Variants in GRM7 observed in about 807,000 individuals in gnomAD.
GRM7 encodes metabotropic glutamate receptor 7.
In GRM7, 35 loss-of-function variants were observed where a neutral mutation model predicts 84.5. That is an observed-to-expected ratio of 0.41 (90% CI 0.32 to 0.55). The LOEUF (loss-of-function observed/expected upper bound fraction) is 0.55. Among genes scored for constraint, GRM7 ranks in the 20% least tolerant of loss-of-function variants. The pLI, the probability that GRM7 is intolerant of heterozygous loss-of-function variation, is 0.19. For synonymous variants in GRM7, 487 were observed against 455.1 expected, an observed-to-expected ratio of 1.07 and a Z score of -0.89; for missense variants, 1,003 against 1,194.6, an observed-to-expected ratio of 0.84 and a Z score of 2.36.
At chr3:6,917,643 T>C (rs1242542401) in intron 1 of GRM7, among the ~76,000 whole-genome samples, 2 of 152,076 alleles carry the variant, frequency 1.3e-5, no homozygotes, top group African/African-American at 4.8e-5. Flanking sequence ...CAAATGTCCT[T>C]GAAAGTTCCC....
chr3:7,412,490 G>C (rs1001629215), intron 4 of GRM7, among the ~76,000 whole-genome samples: 1 of 152,078 alleles, frequency 6.6e-6, no homozygotes, highest in Admixed American at 6.5e-5. Context: ...CAAATGAGAC[G>C]CCTGGGATAA....
rs542760613 is a variant in GRM7 at position 7,680,207 on chromosome 3, C to A, written c.2610C>A (p.Ala870=). 5.6e-6 allele frequency: 9 copies of A among 1,614,168 alleles called. No individual in the cohort carries two copies. The highest frequency in any genetic ancestry group is 1.3e-5 in the African/African-American group (1 of 75,060). ...GCTTCAAGGCGGTAGTCACAGCAGC[C>A]ACCATGTCATCGAGGCTGTCACACA... ...KRSFKAVVTA[A]TMSSRLSHKP... Residue 870 remains alanine, a synonymous_variant, in exon 9 of 10, where the codon GCC becomes GCA. Transcript: ENST00000357716.
chr3:7,341,473 A>G (rs1010585894), intron 4 of GRM7, among the ~76,000 whole-genome samples: 3 of 151,996 alleles, frequency 2.0e-5, no homozygotes, highest in African/African-American at 7.2e-5. Context: ...GAGTATTACT[A>G]TTTTATGAGC....
intron 7 of GRM7, among the ~76,000 whole-genome samples, chr3:7,529,347 G>A (rs1051588459): frequency 4.8e-4 from 73 of 151,906 alleles, no homozygotes; most frequent in African/African-American, 1.7e-3. Context: ...TTCTTAAGAG[G>A]CACTTTGGAA....
chr3:7,464,114 CAGA>C (rs1698364023), intron 7 of GRM7, among the ~76,000 whole-genome samples: 1 of 152,144 alleles, frequency 6.6e-6, no homozygotes, highest in South Asian at 2.1e-4. Context: ...TAACCTGATT[CAGA>C]AGAACTAGAG....
chr3:7,654,102 C>T (rs1699077124), intron 8 of GRM7, among the ~76,000 whole-genome samples: 1 of 151,660 alleles, frequency 6.6e-6, no homozygotes, highest in Admixed American at 6.6e-5. Flanking sequence ...TCTCCCCTCA[C>T]TTCCTCTATA....
chr3:6,864,021 G>A (rs78659154), intron 1 of GRM7, among the ~76,000 whole-genome samples: 5,843 of 152,214 alleles, frequency 0.038, 149 homozygotes, highest in Non-Finnish European at 0.055. Flanking sequence ...AAGGGGTGGG[G>A]GGCTGGCCTG....
intron 7 of GRM7, among the ~76,000 whole-genome samples, chr3:7,492,034 C>T (rs1456565366): frequency 6.6e-6 from 1 of 152,048 alleles, no homozygotes; most frequent in Non-Finnish European, 1.5e-5. Flanking sequence ...TAATGCTGAA[C>T]CAGCCTTGCA....
rs146793868 is a variant in GRM7 at position 7,268,705 on chromosome 3, C to T, written c.737-29979C>T. 4.1e-3 allele frequency among the ~76,000 whole-genome samples: 631 copies of T among 152,192 alleles called. 11 individuals are homozygous for T. Among genetic ancestry groups the T allele is most frequent in the Non-Finnish European group, 1.5e-3 (103 of 68,008 alleles). On this transcript the variant is annotated intron_variant, in intron 2 of 9. Coordinates refer to ENST00000357716, the MANE Select transcript of GRM7 (RefSeq NM_000844.4). ...AGAGGATTGGTTGTTTCAGATTTCC[C>T]GTCCTAATAGGGTTAAAACAGAAGG...
intron 1 of GRM7, among the ~76,000 whole-genome samples, chr3:7,111,070 A>G (rs1420217723): frequency 6.6e-6 from 1 of 152,072 alleles, no homozygotes; most frequent in African/African-American, 2.4e-5. Context: ...AGAATGGAGA[A>G]ATTGACTGAT....
intron 1 of GRM7, among the ~76,000 whole-genome samples, chr3:6,884,690 T>A (rs1361120829): frequency 1.3e-5 from 2 of 151,774 alleles, no homozygotes; most frequent in Non-Finnish European, 2.9e-5. Context: ...ACACTCGCCT[T>A]TGGGGTTCAA....
chr3:7,609,911 T>C (rs1191673919), intron 8 of GRM7, among the ~76,000 whole-genome samples: 1 of 152,206 alleles, frequency 6.6e-6, no homozygotes, highest in Non-Finnish European at 1.5e-5. Flanking sequence ...AATTAAGTTC[T>C]GGATATAGCC....
chr3:7,051,514 G>A (rs187477689), intron 1 of GRM7, among the ~76,000 whole-genome samples: 1 of 151,772 alleles, frequency 6.6e-6, no homozygotes, highest in African/African-American at 2.4e-5. Flanking sequence ...CTCTAGCTGT[G>A]GAACATATGC....
rs920824770 is a variant in GRM7, at chr3:7,064,481, C to T, written c.520-81971C>T. 6.2e-3 allele frequency among the ~76,000 whole-genome samples: 347 copies of T among 55,578 alleles called. 2 individuals carry two copies. Among genetic ancestry groups the T allele is most frequent in the Middle Eastern group, 0.01 (1 of 98 alleles). 36.5% of individuals were successfully genotyped at this position (55,578 alleles called of 152,430 possible). A position where few individuals can be genotyped will look rare whatever the true frequency, so the allele number is the denominator to read the frequency against. ...ATATATACATATATATATATATATA[C>T]ACACATATACATATATATATACACA... On this transcript the variant is annotated intron_variant, in intron 1 of 9. Coordinates refer to ENST00000357716, the MANE Select transcript of GRM7 (RefSeq NM_000844.4).
chr3:7,077,570 C>CGGGGG (rs1698134505), intron 1 of GRM7, among the ~76,000 whole-genome samples: 1 of 5,296 alleles, frequency 1.9e-4, no homozygotes. Context: ...TGGGGCCTGT[C>CGGGGG]GGGGGGTGGG....
Position 6,968,696 on chromosome 3 carries a change from T to C in GRM7, c.519+106789T>C, listed in dbSNP as rs1053328914. 2.6e-5 allele frequency among the ~76,000 whole-genome samples: 4 copies of C among 152,194 alleles called. No homozygotes were observed. The East Asian group carries it at 7.7e-4, about 29-fold the overall frequency. On this transcript the variant is annotated intron_variant, in intron 1 of 9. Coordinates refer to ENST00000357716, the MANE Select transcript of GRM7 (RefSeq NM_000844.4). ...CTTTTCAGAGGAATACCCAAGACTT[T>C]TGTGCTCCTTTGGGCTCAGGAGAGT...
At chr3:7,528,239 G>C (rs1175997533) in intron 7 of GRM7, among the ~76,000 whole-genome samples, 1 of 151,900 alleles carries the variant, frequency 6.6e-6, no homozygotes, top group Non-Finnish European at 1.5e-5. Flanking sequence ...GTTTCTTCCT[G>C]ATTAAATCTT....
chr3:7,547,396 T>C (rs1054602204), intron 7 of GRM7, among the ~76,000 whole-genome samples: 2 of 151,676 alleles, frequency 1.3e-5, no homozygotes, highest in East Asian at 1.9e-4. Context: ...TTAGTAGAGA[T>C]GGGGTTTCAC....
chr3:7,625,308 A>C (rs1697558608), intron 8 of GRM7, among the ~76,000 whole-genome samples: 1 of 152,164 alleles, frequency 6.6e-6, no homozygotes, highest in African/African-American at 2.4e-5. Context: ...AGGAAGCAGC[A>C]ATGGGAATAA....
Sources: allele counts gnomAD v4.1 joint callset (sites outside exome capture counted in the v4.1 genomes callset), GRCh38; gene constraint gnomAD v4.1.1; transcripts MANE v1.5; gene names NCBI Gene and HGNC (gene_info 2026-07-23, HGNC 2026-07-21).